NTM: variants seen among roughly 807,000 people sequenced by gnomAD.
NTM encodes the protein neurotrimin, also known as IgLON family member 2.
In NTM, 13 loss-of-function variants were observed where a neutral mutation model predicts 42.1. The observed-to-expected ratio is 0.31, with a 90% CI of 0.20 to 0.49. The LOEUF (loss-of-function observed/expected upper bound fraction) is 0.49, where lower values mean the gene tolerates loss of function less well. Among genes scored for constraint, NTM ranks in the 20% least tolerant of loss-of-function variants. NTM has a pLI of 0.99. For synonymous variants in NTM, 187 were observed against 179.2 expected (o/e 1.04, Z -0.35); for missense variants, 373 against 452.8 (o/e 0.82, Z 1.60).
Position 132,003,853 on chromosome 11 carries a change from CCA to C in NTM, c.167+92210_167+92211del, listed in dbSNP as rs1565926594. On this transcript the variant is annotated intron_variant, in intron 2 of 8. Coordinates refer to ENST00000683400, the MANE Select transcript of NTM (RefSeq NM_001352005.2). This position sits in a 1 kb window ranked among gnomAD's most constrained non-coding sequence, Gnocchi z 6.0. The stretch of plus-strand genomic sequence containing the variant: ...TGTTTAAAATTGATTTCTCACCTAG[CCA>C]CACAGATTATCTAAAAGGTCAAGAT... 6.6e-6 allele frequency among the ~76,000 whole-genome samples: 1 copy of C among 152,222 alleles called. No homozygotes were observed. The highest frequency in any genetic ancestry group is 1.5e-5 in the Non-Finnish European group (1 of 68,048).
At chr11:132,299,146 T>A in intron 4 of NTM, among the ~76,000 whole-genome samples, 1 of 151,404 alleles carries the variant, frequency 6.6e-6, no homozygotes, top group East Asian at 1.9e-4. Flanking sequence ...ATAAAAAAAA[T>A]TAGCTGGGCG....
At chr11:131,814,636 A>G (rs370045208) in intron 1 of NTM, among the ~76,000 whole-genome samples, 6 of 152,332 alleles carry the variant, frequency 3.9e-5, no homozygotes, top group African/African-American at 1.4e-4. Context: ...CAAAGAAAAT[A>G]AAAGTAAACA....
chr11:131,689,090 C>T (rs1401696524), intron 1 of NTM, among the ~76,000 whole-genome samples: 2 of 151,392 alleles, frequency 1.3e-5, no homozygotes, highest in Non-Finnish European at 2.9e-5. Context: ...GGAAAATCCC[C>T]GCAGCCCCCG....
chr11:131,814,920 C>CA (rs1242007947), intron 1 of NTM, among the ~76,000 whole-genome samples: 1 of 152,188 alleles, frequency 6.6e-6, no homozygotes, highest in African/African-American at 2.4e-5. Context: ...TATATCTCTC[C>CA]AAACCCACTA....
chr11:131,684,695 C>T (rs1359281336), intron 1 of NTM, among the ~76,000 whole-genome samples: 1 of 152,264 alleles, frequency 6.6e-6, no homozygotes, highest in Non-Finnish European at 1.5e-5. Context: ...GTTTGAGAAG[C>T]CTCCTTTCCC....
At chr11:131,826,563 C>G (rs1383097122) in intron 1 of NTM, among the ~76,000 whole-genome samples, 1 of 42,058 alleles carries the variant, frequency 2.4e-5, no homozygotes, top group African/African-American at 6.8e-5. Context: ...TCGTAATATT[C>G]TAAAAAAAAA....
intron 2 of NTM, among the ~76,000 whole-genome samples, chr11:131,914,641 T>C (rs774692157): frequency 1.5e-4 from 23 of 152,182 alleles, no homozygotes; most frequent in Non-Finnish European, 2.5e-4. Context: ...TAACAATCCT[T>C]GTGGAGGTAT....
intron 1 of NTM, among the ~76,000 whole-genome samples, chr11:131,850,516 C>A (rs746340089): frequency 3.3e-5 from 5 of 152,076 alleles, no homozygotes; most frequent in Non-Finnish European, 7.4e-5. Context: ...GACTGGGGGT[C>A]GATTTCCTTT....
chr11:131,423,285 G>A (rs1452936824), intron 1 of NTM, among the ~76,000 whole-genome samples: 1 of 152,144 alleles, frequency 6.6e-6, no homozygotes, highest in Non-Finnish European at 1.5e-5. Flanking sequence ...TAAACAAGTT[G>A]CCTAAGATCT....
At chr11:131,449,530 T>C (rs944324206) in intron 1 of NTM, among the ~76,000 whole-genome samples, 11 of 152,222 alleles carry the variant, frequency 7.2e-5, no homozygotes, top group Admixed American at 7.2e-4. Context: ...AGAGGGATTA[T>C]GCTGTAGGGA....
chr11:132,275,350 T>C (rs1016333186), intron 4 of NTM, among the ~76,000 whole-genome samples: 3 of 152,204 alleles, frequency 2.0e-5, no homozygotes, highest in Admixed American at 2.0e-4. Flanking sequence ...TGACTTTATA[T>C]GTATGGGTAT....
At chr11:131,656,939 C>T (rs1565383058) in intron 1 of NTM, among the ~76,000 whole-genome samples, 1 of 152,016 alleles carries the variant, frequency 6.6e-6, no homozygotes, top group Admixed American at 6.6e-5. Context: ...GCTCCGTGAG[C>T]CACCGTGGTG....
intron 4 of NTM, among the ~76,000 whole-genome samples, chr11:132,263,684 C>T (rs906967185): frequency 6.6e-5 from 10 of 152,136 alleles, no homozygotes; most frequent in Admixed American, 2.6e-4. Context: ...CAAACTGCTC[C>T]CTCAAACACA....
At chr11:131,372,753 C>T (rs1035434046) in intron 1 of NTM, among the ~76,000 whole-genome samples, 1 of 152,060 alleles carries the variant, frequency 6.6e-6, no homozygotes, top group Non-Finnish European at 1.5e-5. Context: ...GCCAGGAGCC[C>T]CAGGGCCATA....
chr11:131,483,758 C>T lies in NTM; in HGVS notation c.82+112870C>T, dbSNP rs923633842. Among the ~76,000 whole-genome samples, 17 of 152,208 alleles carry T rather than the reference C, an allele frequency of 1.1e-4. 1 individual carries two copies. The highest frequency in any genetic ancestry group is 4.1e-4 in the African/African-American group (17 of 41,450). On this transcript the variant is annotated intron_variant, in intron 1 of 8. Coordinates refer to ENST00000683400, the MANE Select transcript of NTM (RefSeq NM_001352005.2). ...GCCTCAGCTGGCTGCTGGCCTCTGC[C>T]CCTGCCTAGGCTCTTTCTTTGGACC...
intron 1 of NTM, among the ~76,000 whole-genome samples, chr11:131,699,792 A>G (rs1157068154): frequency 6.6e-6 from 1 of 152,248 alleles, no homozygotes; most frequent in African/African-American, 2.4e-5. Flanking sequence ...AACCACCCCC[A>G]TGATTAAATT....
chr11:132,034,628 T>A (rs562359903), intron 2 of NTM, among the ~76,000 whole-genome samples: 1 of 152,326 alleles, frequency 6.6e-6, no homozygotes, highest in South Asian at 2.1e-4. Flanking sequence ...CTTTGACACC[T>A]AGTTTTGCCA....
At chr11:131,536,516 A>G (rs561449422) in intron 1 of NTM, 3 of 152,376 alleles carry the variant, frequency 2.0e-5, no homozygotes, top group African/African-American at 4.8e-5. Flanking sequence ...TATGAAAGTT[A>G]TCAAACATAC....
At chr11:131,760,298 G>GTTT (rs983852494) in intron 1 of NTM, among the ~76,000 whole-genome samples, 4 of 152,088 alleles carry the variant, frequency 2.6e-5, no homozygotes, top group African/African-American at 9.7e-5. Flanking sequence ...AAGCAGCAGC[G>GTTT]TTTTTATAGA....
Sources: allele counts gnomAD v4.1 joint callset (sites outside exome capture counted in the v4.1 genomes callset), GRCh38; gene constraint gnomAD v4.1.1; non-coding constraint Gnocchi (gnomAD v3.1); transcripts MANE v1.5; gene names NCBI Gene and HGNC (gene_info 2026-07-23, HGNC 2026-07-21).